SPACA9: variants seen among roughly 807,000 people sequenced by gnomAD.
SPACA9 encodes the protein sperm acrosome-associated protein 9.
Under a neutral mutation model 12.5 loss-of-function variants are expected in SPACA9, and 14 were observed. That is an observed-to-expected ratio of 1.12 (90% CI 0.74 to 1.75). SPACA9 has a LOEUF of 1.75. Ranked by LOEUF, SPACA9 falls within the 40% of genes most tolerant of loss-of-function variation. The probability of loss-of-function intolerance (pLI) is 0.00; values close to 1 mark genes in which losing one functional copy is unlikely to be tolerated. For missense variants in SPACA9, 292 were observed against 291.9 expected, an observed-to-expected ratio of 1.00 and a Z score of 0.00; for synonymous variants, 111 against 114.1, an observed-to-expected ratio of 0.97 and a Z score of 0.17.
rs543403260 is a variant in SPACA9 at position 132,885,113 on chromosome 9, AAAAAC to A, written c.144+1042_144+1046del. Among the ~76,000 whole-genome samples, 65 of 152,236 alleles carry A rather than the reference AAAAAC, an allele frequency of 4.3e-4. No individual in the cohort carries two copies. The East Asian group carries it at 7.4e-3, about 17-fold the overall frequency. ...GGGCGACAGAGTGAGACTCCGTCTC[AAAAAC>A]AAAACAAAACAAAACAAAAACAAAA... On this transcript the variant is annotated intron_variant, in intron 2 of 3. Transcript: ENST00000356311.
chr9:132,882,619 C>T (rs1844458894), intron 1 of SPACA9, among the ~76,000 whole-genome samples: 1 of 152,058 alleles, frequency 6.6e-6, no homozygotes, highest in Non-Finnish European at 1.5e-5. Context: ...ATTTCCCAGC[C>T]CCGTCTTGTT....
Position 132,887,674 on chromosome 9 carries a change from C to A in SPACA9, c.347+103C>A. The A allele has an allele frequency of 1.1e-6, 1 of 933,904 alleles. No individual in the cohort carries two copies. The highest frequency in any genetic ancestry group is 1.7e-6 in the Non-Finnish European group (1 of 602,778). 57.9% of individuals were successfully genotyped at this position (933,904 alleles called of 1,614,324 possible). On this transcript the variant is annotated intron_variant, in intron 3 of 3. Coordinates refer to ENST00000356311, the MANE Select transcript of SPACA9 (RefSeq NM_001316897.2). The surrounding 1 kb of genome is among the most constrained non-coding windows in gnomAD (Gnocchi z 5.4). ...CTGGATCATGGTGCTCCTATTAGACCACCCCGGGCAGGAAATCCCAGTCTC... is the reference window on the plus strand; with the variant it reads ...CTGGATCATGGTGCTCCTATTAGACAACCCCGGGCAGGAAATCCCAGTCTC...
In SPACA9 at chr9:132,888,513, A is replaced by C. The variant is rs1844638370; in HGVS notation, c.571A>C (p.Arg191=). ...RPAQAIGTQP[R]ATKHKCRQLT... Reference sequence around the variant, plus strand: ...TGCCCAGGCCATAGGGACCCAGCCCAGGGCCACTAAACACAAGTGTAGACA... The same window carrying C: ...TGCCCAGGCCATAGGGACCCAGCCCCGGGCCACTAAACACAAGTGTAGACA... The change falls in exon 4 of 4, where the codon AGG becomes CGG. Residue 191 remains arginine (R), a synonymous_variant. Coordinates refer to ENST00000356311, the MANE Select transcript of SPACA9 (RefSeq NM_001316897.2). The surrounding 1 kb of genome is among the most constrained non-coding windows in gnomAD (Gnocchi z 5.0). 1.3e-6 allele frequency: 2 copies of C among 1,583,810 alleles called. No homozygotes were observed. Among genetic ancestry groups the C allele is most frequent in the African/African-American group, 2.7e-5 (2 of 74,122 alleles).
chr9:132,883,810 AGGGGCCATGG>A lies in SPACA9; in HGVS notation c.-37-99_-37-90del, dbSNP rs1053330115. 36 of 922,660 alleles carry A rather than the reference AGGGGCCATGG, an allele frequency of 3.9e-5. No homozygotes were observed. The African/African-American group carries it at 6.1e-4, about 16-fold the overall frequency. 57.2% of individuals were successfully genotyped at this position (922,660 alleles called of 1,614,324 possible). A position where few individuals can be genotyped will look rare whatever the true frequency, so the allele number is the denominator to read the frequency against. Reference sequence around the variant, plus strand: ...GGCACTCACAAGGCGCTCCAGTGAGAGGGGCCATGGGTATCCCTCTCCCCTGACAGTCCTT... The same window carrying A: ...GGCACTCACAAGGCGCTCCAGTGAGAGTATCCCTCTCCCCTGACAGTCCTT... On this transcript the variant is annotated intron_variant, in intron 1 of 3. Coordinates refer to ENST00000356311, the MANE Select transcript of SPACA9 (RefSeq NM_001316897.2).
intron 1 of SPACA9, among the ~76,000 whole-genome samples, chr9:132,883,499 G>GGCGTGTGTGTACAC (rs1844477928): frequency 6.6e-6 from 1 of 152,174 alleles, no homozygotes; most frequent in Admixed American, 6.5e-5. Flanking sequence ...GGGATTGGAG[G>GGCGTGTGTGTACAC]GCGTGTGTGT....
upstream of SPACA9, chr9:132,878,470 C>G (rs908340436): frequency 1.5e-5 from 18 of 1,219,220 alleles, no homozygotes; most frequent in African/African-American, 2.2e-4. This position sits in a 1 kb window ranked among gnomAD's most constrained non-coding sequence, Gnocchi z 4.7. Flanking sequence ...CCTCGCTTTT[C>G]CCATTTGCGC....
At chr9:132,885,154 GA>G (rs1232348353) in intron 2 of SPACA9, among the ~76,000 whole-genome samples, 5 of 150,706 alleles carry the variant, frequency 3.3e-5, no homozygotes, top group South Asian at 2.1e-4. Flanking sequence ...ACAAAAAAAT[GA>G]AAAAAAACAC....
At chr9:132,886,349 C>T (rs1446243459) in intron 2 of SPACA9, among the ~76,000 whole-genome samples, 1 of 152,178 alleles carries the variant, frequency 6.6e-6, no homozygotes, top group Non-Finnish European at 1.5e-5. Flanking sequence ...GCCCCTCCTT[C>T]TCCACCTTGT....
At chr9:132,879,319 G>A (rs542137782) in intron 1 of SPACA9, among the ~76,000 whole-genome samples, 2 of 152,312 alleles carry the variant, frequency 1.3e-5, no homozygotes, top group African/African-American at 4.8e-5. Flanking sequence ...AACTCTTTGT[G>A]CTCTCGGCAA....
chr9:132,889,338 A>C lies in SPACA9; in HGVS notation c.*727A>C. 1 of 985,530 alleles carries C rather than the reference A, an allele frequency of 1.0e-6. No homozygotes were observed. The allele number at this position is 985,530 out of a possible 1,614,324, so 61.0% of individuals were successfully genotyped here. On this transcript the variant is annotated 3_prime_UTR_variant, in exon 4 of 4. Transcript: ENST00000356311. ...CCAGCCCCAACTGTAGGCAAGGCAC[A>C]CGCTGTTTGCGAGCCAGGGATGCTC... is the stretch of plus-strand genomic sequence containing the variant.
At chr9:132,883,501 C>T (rs578020408) in intron 1 of SPACA9, among the ~76,000 whole-genome samples, 32 of 152,106 alleles carry the variant, frequency 2.1e-4, no homozygotes, top group Admixed American at 1.4e-3. Context: ...GATTGGAGGG[C>T]GTGTGTGTAC....
chr9:132,886,101 A>G (rs1157339124), intron 2 of SPACA9, among the ~76,000 whole-genome samples: 1 of 152,208 alleles, frequency 6.6e-6, no homozygotes, highest in Non-Finnish European at 1.5e-5. Flanking sequence ...CAACAAAAAG[A>G]CAAACGGTTA....
chr9:132,886,140 A>T (rs772581386), intron 2 of SPACA9, among the ~76,000 whole-genome samples: 2 of 152,208 alleles, frequency 1.3e-5, no homozygotes, highest in African/African-American at 4.8e-5. Context: ...TTAGATGTAG[A>T]CCTTTGTGGG....
At chr9:132,883,373 G>T (rs1564457056) in intron 1 of SPACA9, among the ~76,000 whole-genome samples, 1 of 152,218 alleles carries the variant, frequency 6.6e-6, no homozygotes, top group Non-Finnish European at 1.5e-5. Context: ...GGAATTCCCA[G>T]ACTTTCCCAC....
chr9:132,880,026 A>C (rs765875052), intron 1 of SPACA9, among the ~76,000 whole-genome samples: 1 of 152,198 alleles, frequency 6.6e-6, no homozygotes, highest in African/African-American at 2.4e-5. Flanking sequence ...CCCAACTGTA[A>C]AGATAGCTGG....
Position 132,889,880 on chromosome 9 carries a change from CCAAA to C in SPACA9, c.*1272_*1275del. 2 of 1,407,206 alleles carry C rather than the reference CCAAA, an allele frequency of 1.4e-6. No homozygotes were observed. Among genetic ancestry groups the C allele is most frequent in the Non-Finnish European group, 1.9e-6 (2 of 1,068,400 alleles). 87.2% of individuals were successfully genotyped at this position (1,407,206 alleles called of 1,614,324 possible). On this transcript the variant is annotated 3_prime_UTR_variant, in exon 4 of 4. Transcript: ENST00000356311. ...CTGGTTTTCACAGCGTAGTCGAACC[CCAAA>C]CATTGTAAAATGTGTCCCTGGCTTC...
downstream of SPACA9, chr9:132,890,088 T>C (rs1844712449): frequency 2.6e-6 from 3 of 1,170,038 alleles, no homozygotes; most frequent in Middle Eastern, 2.2e-4. Flanking sequence ...ACATCTCCCC[T>C]AAGACATCAA....
upstream of SPACA9, chr9:132,878,423 G>A (rs944915871): frequency 8.9e-6 from 11 of 1,233,560 alleles, no homozygotes; most frequent in African/African-American, 1.7e-4. This position sits in a 1 kb window ranked among gnomAD's most constrained non-coding sequence, Gnocchi z 4.7. Context: ...CGGCTGACGC[G>A]CTCTGCGGCT....
chr9:132,889,400 C>G lies in SPACA9; in HGVS notation c.*789C>G, dbSNP rs1844678868. The G allele has an allele frequency of 1.0e-6, 1 of 985,292 alleles. No individual in the cohort carries two copies. The highest frequency in any genetic ancestry group is 1.7e-5 in the African/African-American group (1 of 57,220). The allele number at this position is 985,292 out of a possible 1,614,324, so 61.0% of individuals were successfully genotyped here. ...GGAGTGGGGGTCGGCATGTGGAACTCAGCGTGTTTATTTTTTTATTTTTTG... is the reference window on the plus strand; with the variant it reads ...GGAGTGGGGGTCGGCATGTGGAACTGAGCGTGTTTATTTTTTTATTTTTTG... On this transcript the variant is annotated 3_prime_UTR_variant, in exon 4 of 4. Coordinates refer to ENST00000356311, the MANE Select transcript of SPACA9 (RefSeq NM_001316897.2).
Sources: allele counts gnomAD v4.1 joint callset (sites outside exome capture counted in the v4.1 genomes callset), GRCh38; gene constraint gnomAD v4.1.1; non-coding constraint Gnocchi (gnomAD v3.1); transcripts MANE v1.5; gene names NCBI Gene and HGNC (gene_info 2026-07-23, HGNC 2026-07-21).